The following PABPC1 variants were observed in gnomAD, a reference collection of about 807,000 sequenced individuals.
PABPC1 encodes polyadenylate-binding protein 1.
A neutral mutation model predicts 74.0 loss-of-function variants in PABPC1; 4 were observed. The observed-to-expected ratio is 0.05, with a 90% CI of 0.03 to 0.12. The LOEUF (loss-of-function observed/expected upper bound fraction) is 0.12. Among genes scored for constraint, PABPC1 ranks in the 10% least tolerant of loss-of-function variants. The pLI, the probability that PABPC1 is intolerant of heterozygous loss-of-function variation, is 1.00. For synonymous variants in PABPC1, 227 were observed against 264.1 expected (o/e 0.86, Z 1.36); for missense variants, 271 against 821.1 (o/e 0.33, Z 8.19).
At chr8:100,713,219 A>G in intron 4 of PABPC1, 38 bp from the exon 5 acceptor site, 3 of 1,224,378 alleles carry the variant, frequency 2.5e-6, no homozygotes, top group Non-Finnish European at 3.5e-6. Flanking sequence ...GATATTCCAT[A>G]CAACATTCAC....
At chr8:100,715,631 A>T in intron 3 of PABPC1, 30 bp from the exon 4 acceptor site, 1 of 1,515,682 alleles carries the variant, frequency 6.6e-7, no homozygotes, top group Non-Finnish European at 9.0e-7. Context: ...CTATAACATT[A>T]GATTCTATTT....
rs1023734916 is a variant in PABPC1, at chr8:100,721,596, GC to G, written c.-14del. The stretch of plus-strand genomic sequence containing the variant: ...CACTGGGGTTCATCTCGGCACGGCT[GC>G]CCGCAGGGCCACAGGCCGCGACCTT... On this transcript the variant is annotated 5_prime_UTR_variant, in exon 1 of 15. Transcript: ENST00000318607. The surrounding 1 kb of genome is among the most constrained non-coding windows in gnomAD (Gnocchi z 7.4). The G allele has an allele frequency of 2.6e-6, 4 of 1,526,724 alleles. No individual in the cohort carries two copies. The African/African-American group carries it at 5.6e-5, about 21-fold the overall frequency. 94.6% of individuals were successfully genotyped at this position (1,526,724 alleles called of 1,614,324 possible).
intron 9 of PABPC1, 22 bp downstream of exon 9, chr8:100,709,111 A>T: frequency 6.4e-7 from 1 of 1,570,140 alleles, no homozygotes; most frequent in Non-Finnish European, 8.7e-7. Flanking sequence ...CCCCAACCTT[A>T]ATTAAAAGAA....
chr8:100,718,721 A>G (rs970327203), intron 1 of PABPC1, among the ~76,000 whole-genome samples: 8 of 152,342 alleles, frequency 5.3e-5, no homozygotes, highest in Admixed American at 1.3e-4. Context: ...ACTTCTTCCC[A>G]ACTACTTGCT....
chr8:100,708,889 A>AATAAATAAAT (rs1810454027), intron 9 of PABPC1, among the ~76,000 whole-genome samples: 1 of 140,750 alleles, frequency 7.1e-6, no homozygotes, highest in African/African-American at 3.1e-5. Flanking sequence ...GAAAATAAAT[A>AATAAATAAAT]AATAAATAAA....
chr8:100,720,165 GA>G (rs199566321), intron 1 of PABPC1, among the ~76,000 whole-genome samples: 144 of 152,232 alleles, frequency 9.5e-4, no homozygotes, highest in Middle Eastern at 3.4e-3. Flanking sequence ...TGTAGGGGGG[GA>G]AAAAGGCAAA....
At chr8:100,714,667 T>A (rs1455840188) in intron 4 of PABPC1, among the ~76,000 whole-genome samples, 1 of 151,808 alleles carries the variant, frequency 6.6e-6, no homozygotes, top group Non-Finnish European at 1.5e-5. Flanking sequence ...AGGCGGAGGC[T>A]ACAATGAGCC....
intron 6 of PABPC1, 92 bp from the exon 7 acceptor site, chr8:100,712,549 T>C: frequency 6.8e-7 from 1 of 1,479,344 alleles, no homozygotes; most frequent in Non-Finnish European, 9.2e-7. Context: ...TTTCTTCTCC[T>C]ATTCCCCTCT....
rs1197042767 is a variant in PABPC1, at chr8:100,704,918, TA to T, written c.1818+7del. The T allele has an allele frequency of 6.2e-7, 1 of 1,611,090 alleles. No individual in the cohort carries two copies. Among genetic ancestry groups the T allele is most frequent in the Admixed American group, 1.7e-5 (1 of 59,776 alleles). On this transcript the variant is annotated splice_region_variant and intron_variant, in intron 13 of 14. Coordinates refer to ENST00000318607, the MANE Select transcript of PABPC1 (RefSeq NM_002568.4). ...TAAGAGGCAACTTGGTAAATAAATT[TA>T]AATCACCTTAGAACGGAGTGACTCT...
chr8:100,712,258 C>G, intron 7 of PABPC1, 104 bp downstream of exon 7: 1 of 650,330 alleles, frequency 1.5e-6, no homozygotes, highest in Non-Finnish European at 2.6e-6. Context: ...AGTAACGAAG[C>G]AAACACCTCT....
chr8:100,706,695 G>T lies in PABPC1; in HGVS notation c.1558C>A (p.Pro520Thr), dbSNP rs776197537. 1.9e-6 allele frequency: 3 copies of T among 1,614,024 alleles called. No homozygotes were observed. The highest frequency in any genetic ancestry group is 2.7e-5 in the African/African-American group (2 of 74,940). ...GGCTGTGCATTAAGATGTTGCTGAG[G>T]ATTGCGAACTCCTGCAGCATATTTA... ...QYKYAAGVRN[P>T]QQHLNAQPQV... The change falls in exon 11 of 15, where the codon CCT becomes ACT. Residue 520 changes from proline (P) to threonine (T), a missense_variant. Around this residue, in one of 7 missense-constraint regions of PABPC1, gnomAD observed 103 missense variants for 245.3 expected, o/e 0.42. Transcript: ENST00000318607.
chr8:100,720,523 A>G (rs970339507), intron 1 of PABPC1, among the ~76,000 whole-genome samples: 2 of 152,226 alleles, frequency 1.3e-5, no homozygotes, highest in Non-Finnish European at 2.9e-5. Context: ...ACTATTTTAT[A>G]AAGAAAAGCC....
intron 9 of PABPC1, chr8:100,707,198 T>C: frequency 2.2e-6 from 1 of 463,674 alleles, no homozygotes. Flanking sequence ...GGACGAGTAC[T>C]TATATGTAGC....
chr8:100,718,387 G>T, intron 1 of PABPC1, 107 bp from the exon 2 acceptor site: 3 of 823,196 alleles, frequency 3.6e-6, no homozygotes, highest in Non-Finnish European at 5.7e-6. Flanking sequence ...TGGTCTCACA[G>T]TTGAACGCTT....
chr8:100,707,097 A>G (rs1468407910), intron 9 of PABPC1, 100 bp from the exon 10 acceptor site: 1 of 811,954 alleles, frequency 1.2e-6, no homozygotes, highest in Non-Finnish European at 2.0e-6. Flanking sequence ...TAAAAGACTA[A>G]AAAGTGACAA....
intron 8 of PABPC1, 78 bp downstream of exon 8, chr8:100,709,381 G>C (rs192155532): frequency 1.3e-6 from 2 of 1,543,276 alleles, no homozygotes; most frequent in Non-Finnish European, 1.8e-6. Context: ...TCACATTTGC[G>C]GGGCGAGGGG....
chr8:100,708,236 A>G (rs1029414262), intron 9 of PABPC1, among the ~76,000 whole-genome samples: 4 of 152,180 alleles, frequency 2.6e-5, no homozygotes, highest in African/African-American at 7.2e-5. Context: ...AAACATAATC[A>G]TGATAAAATT....
rs999462624 is a variant in PABPC1 at position 100,721,318 on chromosome 8, AC to A, written c.193+72del. 1.0e-5 allele frequency: 8 copies of A among 763,090 alleles called. No individual in the cohort carries two copies. Among genetic ancestry groups the A allele is most frequent in the Non-Finnish European group, 1.3e-5 (8 of 596,592 alleles). 47.3% of individuals were successfully genotyped at this position (763,090 alleles called of 1,614,324 possible). A position where few individuals can be genotyped will look rare whatever the true frequency, so the allele number is the denominator to read the frequency against. ...CCCCCCTCCCCGGGCCCGCCGGCCT[AC>A]CCCGCCCGCCGCCGCCGCCCGAGCC... On this transcript the variant is annotated intron_variant, in intron 1 of 14. Transcript: ENST00000318607. The surrounding 1 kb of genome is among the most constrained non-coding windows in gnomAD (Gnocchi z 7.4).
chr8:100,714,494 G>T (rs1162857777), intron 4 of PABPC1, among the ~76,000 whole-genome samples: 1 of 152,130 alleles, frequency 6.6e-6, no homozygotes. Context: ...ACTTTGGGAG[G>T]CCGAGGTGGC....
Sources: gnomAD v4.1 joint callset for allele counts (sites outside exome capture counted in the v4.1 genomes callset) on GRCh38, gnomAD v4.1.1 for gene constraint, gnomAD v4.1.1 regional missense constraint, Gnocchi (gnomAD v3.1) non-coding constraint, MANE v1.5 for transcripts, NCBI Gene and HGNC (gene_info 2026-07-23, HGNC 2026-07-21) for gene names.